Variants in RBM10 observed in about 807,000 individuals in gnomAD.
The protein encoded by RBM10 is RNA binding motif protein 10.
RBM10 carries 1 observed loss-of-function variant against 84.9 expected under a neutral mutation model. The ratio of observed to expected loss-of-function variants is 0.01; its 90% CI spans 0.00 to 0.06. The LOEUF (loss-of-function observed/expected upper bound fraction) is 0.06. Ranked by LOEUF, RBM10 falls within the 10% of genes least tolerant of loss-of-function variation. The pLI, the probability that RBM10 is intolerant of heterozygous loss-of-function variation, is 1.00. For synonymous variants in RBM10, 326 were observed against 344.5 expected (o/e 0.95, Z 0.60); for missense variants, 438 against 839.0 (o/e 0.52, Z 5.90).
rs374690327 is a variant in RBM10, at chrX:47,182,085, C to A, written c.1785+43C>A. The A allele has an allele frequency of 3.7e-4, 449 of 1,208,861 alleles. 1 individual carries two copies. The highest frequency in any genetic ancestry group is 4.7e-4 in the Non-Finnish European group (420 of 894,846). ...GGAGGGATGGGATCGGGTCAGGTCG[C>A]GTCAGGAACAGCTAGCCCTGCAGGT... On this transcript the variant is annotated intron_variant, in intron 16 of 23. Transcript: ENST00000377604.
chrX:47,166,942 AT>A (rs1246566573), intron 2 of RBM10, among the ~76,000 whole-genome samples: 2 of 107,988 alleles, frequency 1.9e-5, no homozygotes, highest in Non-Finnish European at 3.8e-5. Context: ...CACCCAGCTG[AT>A]TTTTTTTATT....
chrX:47,160,562 C>A, intron 2 of RBM10, among the ~76,000 whole-genome samples: 1 of 108,749 alleles, frequency 9.2e-6, no homozygotes. Flanking sequence ...CGTCTCATGC[C>A]AGTCAGATGG....
At chrX:47,159,866 G>A (rs186118956) in intron 2 of RBM10, among the ~76,000 whole-genome samples, 1 of 112,267 alleles carries the variant, frequency 8.9e-6, no homozygotes, top group East Asian at 2.8e-4. Flanking sequence ...GGCCAGGCGC[G>A]GTGGCTCATG....
At position 47,182,084 on chromosome X, in the gene RBM10, G is replaced by A. The variant is rs371369976; in HGVS notation, c.1785+42G>A. 15 of 1,208,783 alleles carry A rather than the reference G, an allele frequency of 1.2e-5. No homozygotes were observed. In the East Asian group the frequency reaches 3.0e-4, roughly 24 times the overall value. ...GGGAGGGATGGGATCGGGTCAGGTCGCGTCAGGAACAGCTAGCCCTGCAGG... is the reference window on the plus strand; with the variant it reads ...GGGAGGGATGGGATCGGGTCAGGTCACGTCAGGAACAGCTAGCCCTGCAGG... On this transcript the variant is annotated intron_variant, in intron 16 of 23. Transcript: ENST00000377604.
intron 2 of RBM10, among the ~76,000 whole-genome samples, chrX:47,167,769 T>C (rs1934342116): frequency 8.9e-6 from 1 of 112,671 alleles, no homozygotes; most frequent in African/African-American, 3.2e-5. Flanking sequence ...GAATTGTACT[T>C]GGGACCTTTC....
chrX:47,176,644 G>A (rs1028859878), intron 7 of RBM10, 58 bp downstream of exon 7: 35 of 1,197,294 alleles, frequency 2.9e-5, no homozygotes, highest in African/African-American at 1.8e-4. Context: ...CAGTGGCGGC[G>A]ATCTCTCCCT....
chrX:47,171,570 C>T (rs1934674751), intron 4 of RBM10, among the ~76,000 whole-genome samples: 1 of 112,854 alleles, frequency 8.9e-6, no homozygotes, highest in Admixed American at 9.3e-5. Flanking sequence ...TGCATGTGTG[C>T]ATCATGGGCC....
chrX:47,171,085 A>G lies in RBM10; in HGVS notation c.259A>G (p.Arg87Gly), dbSNP rs1163706666. 2 of 1,210,983 alleles carry G rather than the reference A, an allele frequency of 1.7e-6. No homozygotes were observed. The highest frequency in any genetic ancestry group is 2.2e-6 in the Non-Finnish European group (2 of 895,175). Residue 87 changes from arginine to glycine, a missense_variant, in exon 4 of 24, where the codon AGG (arginine) becomes GGG (glycine). Around this residue, in one of 8 missense-constraint regions of RBM10, gnomAD observed 92 missense variants for 134.3 expected, o/e 0.69. Coordinates refer to ENST00000377604, the MANE Select transcript of RBM10 (RefSeq NM_005676.5). ...TCAGCGTAGGCGGCGGCGGCGGCACAGGCACAGCCCCACCGGCCCGCCAGG... is the reference window on the plus strand; with the variant it reads ...TCAGCGTAGGCGGCGGCGGCGGCACGGGCACAGCCCCACCGGCCCGCCAGG... ...ETQRRRRRRHRHSPTGPPGFP... is the reference protein window; with the variant it reads ...ETQRRRRRRHGHSPTGPPGFP...
chrX:47,156,437 CT>C (rs1360816030), intron 2 of RBM10, among the ~76,000 whole-genome samples: 2 of 111,133 alleles, frequency 1.8e-5, no homozygotes, highest in African/African-American at 3.3e-5. Flanking sequence ...TGGGATGGCC[CT>C]TTTTCCTAAC....
At chrX:47,159,279 C>T (rs1478357564) in intron 2 of RBM10, among the ~76,000 whole-genome samples, 3 of 110,624 alleles carry the variant, frequency 2.7e-5, no homozygotes, top group South Asian at 3.8e-4. Context: ...CGTGGTGGCA[C>T]GTGCCTGTAA....
At chrX:47,147,560 C>G (rs2147066876) in intron 2 of RBM10, 62 bp downstream of exon 2, 1 of 1,171,755 alleles carries the variant, frequency 8.5e-7, no homozygotes. Flanking sequence ...AGAATTGATC[C>G]AAGAAGGTGC....
intron 1 of RBM10, 67 bp downstream of exon 1, chrX:47,145,552 G>C (rs991503156): frequency 2.7e-6 from 3 of 1,093,996 alleles, no homozygotes; most frequent in Admixed American, 5.3e-5. Flanking sequence ...GAGGAGGCGC[G>C]AGGGCGGACT....
chrX:47,145,672 A>C (rs2147057931), intron 1 of RBM10, among the ~76,000 whole-genome samples, 187 bp downstream of exon 1: 1 of 83,242 alleles, frequency 1.2e-5, no homozygotes. Flanking sequence ...TGGTGTGAGC[A>C]AAGGCGCGTG....
At chrX:47,151,834 T>A (rs1932801391) in intron 2 of RBM10, among the ~76,000 whole-genome samples, 1 of 112,453 alleles carries the variant, frequency 8.9e-6, no homozygotes, top group Admixed American at 9.5e-5. Flanking sequence ...CTTTAATAAA[T>A]CAAGAAAATT....
chrX:47,184,779 T>G (rs1935783578), intron 17 of RBM10, among the ~76,000 whole-genome samples: 1 of 110,766 alleles, frequency 9.0e-6, no homozygotes, highest in Non-Finnish European at 1.9e-5. Flanking sequence ...GGTTGCGAGT[T>G]TGGGTTTATT....
intron 17 of RBM10, among the ~76,000 whole-genome samples, chrX:47,182,953 G>A (rs1304047470): frequency 3.6e-5 from 4 of 112,525 alleles, no homozygotes; most frequent in Non-Finnish European, 7.5e-5. Flanking sequence ...ATGTGACAGC[G>A]TGGGTGTATG....
chrX:47,186,283 G>A lies in RBM10; in HGVS notation c.2563G>A (p.Gly855Arg), dbSNP rs782323783. Reference sequence around the variant, plus strand: ...AGACTTCGAGCAGCCTACTCGGGACGGGCTGGGCAGTGACAACATTGGCAG... The same window carrying A: ...AGACTTCGAGCAGCCTACTCGGGACAGGCTGGGCAGTGACAACATTGGCAG... Reference protein sequence around the residue: ...SVDFEQPTRDGLGSDNIGSRM... With the variant: ...SVDFEQPTRDRLGSDNIGSRM... The change falls in exon 23 of 24, where the codon GGG (glycine) becomes AGG (arginine). Residue 855 changes from glycine (G) to arginine (R), a missense_variant. By Grantham distance (125) the Gly-to-Arg change is moderately radical (BLOSUM62 -2). This residue lies in a region of RBM10 where 92 missense variants were observed against 199.9 expected (regional missense o/e 0.46). Coordinates refer to ENST00000377604, the MANE Select transcript of RBM10 (RefSeq NM_005676.5). The A allele has an allele frequency of 9.1e-6, 11 of 1,207,700 alleles. No homozygotes were observed. Among genetic ancestry groups the A allele is most frequent in the South Asian group, 5.3e-5 (3 of 56,416 alleles).
intron 2 of RBM10, chrX:47,157,406 G>A (rs900142598): frequency 1.2e-4 from 38 of 325,263 alleles, no homozygotes; most frequent in South Asian, 9.8e-4. Context: ...AGTTGGTGCC[G>A]TGAGCCACTC....
At chrX:47,149,700 A>G (rs1556763066) in intron 2 of RBM10, among the ~76,000 whole-genome samples, 1 of 110,794 alleles carries the variant, frequency 9.0e-6, no homozygotes, top group African/African-American at 3.3e-5. Flanking sequence ...TGCCATGTAT[A>G]TGTTACTACT....
Sources: gnomAD v4.1 joint callset for allele counts (sites outside exome capture counted in the v4.1 genomes callset) on GRCh38, gnomAD v4.1.1 for gene constraint, gnomAD v4.1.1 regional missense constraint, MANE v1.5 for transcripts, NCBI Gene and HGNC (gene_info 2026-07-23, HGNC 2026-07-21) for gene names.